Variants in SPSB1 observed in about 807,000 individuals in gnomAD.
SPSB1 encodes splA/ryanodine receptor domain and SOCS box containing 1.
Under a neutral mutation model 21.2 loss-of-function variants are expected in SPSB1, and 8 were observed. That is an observed-to-expected ratio of 0.38 (90% confidence interval 0.22 to 0.68). The LOEUF (loss-of-function observed/expected upper bound fraction) is 0.68, where lower values mean the gene tolerates loss of function less well. Among genes scored for constraint, SPSB1 ranks in the 30% least tolerant of loss-of-function variants. The pLI is 0.53. For synonymous variants in SPSB1, 169 were observed against 161.7 expected (o/e 1.05, Z -0.34); for missense variants, 242 against 377.8 (o/e 0.64, Z 2.98).
chr1:9,301,084 G>A (rs1030800798), intron 1 of SPSB1, among the ~76,000 whole-genome samples: 2 of 152,264 alleles, frequency 1.3e-5, no homozygotes, highest in African/African-American at 4.8e-5. Context: ...CTTCGAAGGA[G>A]AGATGGCCAG....
chr1:9,365,150 C>A lies in SPSB1; in HGVS notation c.695-2298C>A, dbSNP rs145887952. Among the ~76,000 whole-genome samples, 8 of 152,350 alleles carry A rather than the reference C, an allele frequency of 5.3e-5. No homozygotes were observed. The East Asian group carries it at 1.5e-3, about 29-fold the overall frequency. On this transcript the variant is annotated intron_variant, in intron 2 of 2. Transcript: ENST00000328089. ...GGGATTACAGGCGTGAGCCACCACA[C>A]CTGGCCTGTTTTCATTTTTGAGACA...
intron 1 of SPSB1, among the ~76,000 whole-genome samples, chr1:9,306,553 A>G (rs938645094): frequency 6.6e-6 from 1 of 152,196 alleles, no homozygotes. Context: ...CCTATAGGGT[A>G]GGTACTACCC....
chr1:9,315,836 CTA>C (rs1015248406), intron 1 of SPSB1, among the ~76,000 whole-genome samples: 6 of 152,230 alleles, frequency 3.9e-5, no homozygotes, highest in Non-Finnish European at 7.3e-5. Flanking sequence ...TTTCCAGTAA[CTA>C]TGTGGGTGGA....
intron 1 of SPSB1, among the ~76,000 whole-genome samples, chr1:9,339,525 C>T (rs1640056665): frequency 6.6e-6 from 1 of 152,182 alleles, no homozygotes. Flanking sequence ...GATGGGATTC[C>T]TGTCAGATGG....
At chr1:9,313,352 A>AT (rs1639556157) in intron 1 of SPSB1, among the ~76,000 whole-genome samples, 1 of 152,320 alleles carries the variant, frequency 6.6e-6, no homozygotes, top group South Asian at 2.1e-4. Flanking sequence ...GTGAGCCAAG[A>AT]TTGCACCACT....
intron 1 of SPSB1, among the ~76,000 whole-genome samples, chr1:9,351,174 T>TAC (rs1640249435): frequency 6.6e-6 from 1 of 152,250 alleles, no homozygotes; most frequent in African/African-American, 2.4e-5. Context: ...CCCATTGATT[T>TAC]ACATATTGTC....
In SPSB1 at chr1:9,367,771, C is replaced by A; in HGVS notation, c.*196C>A. ...CAACACAGGCTCCTCTTTCCCCCTTCCCGACATCAGCAGAAGGCAGCATCC... is the reference window on the plus strand; with the variant it reads ...CAACACAGGCTCCTCTTTCCCCCTTACCGACATCAGCAGAAGGCAGCATCC... On this transcript the variant is annotated 3_prime_UTR_variant, in exon 3 of 3. Transcript: ENST00000328089. This position sits in a 1 kb window ranked among gnomAD's most constrained non-coding sequence, Gnocchi z 5.9. 1 of 801,554 alleles carries A rather than the reference C, an allele frequency of 1.2e-6. No individual in the cohort carries two copies. The highest frequency in any genetic ancestry group is 1.9e-6 in the Non-Finnish European group (1 of 523,324). 49.7% of individuals were successfully genotyped at this position (801,554 alleles called of 1,614,324 possible). A position where few individuals can be genotyped will look rare whatever the true frequency, so the allele number is the denominator to read the frequency against.
Position 9,367,741 on chromosome 1 carries a change from G to A in SPSB1, c.*166G>A, listed in dbSNP as rs184177728. 450 of 1,050,130 alleles carry A rather than the reference G, an allele frequency of 4.3e-4. 2 individuals carry two copies. The African/African-American group carries it at 5.5e-3, about 13-fold the overall frequency. 65.1% of individuals were successfully genotyped at this position (1,050,130 alleles called of 1,614,324 possible). On this transcript the variant is annotated 3_prime_UTR_variant, in exon 3 of 3. Transcript: ENST00000328089. The surrounding 1 kb of genome is among the most constrained non-coding windows in gnomAD (Gnocchi z 5.9). ...TGGCTGCCTCCATGGGACAAGGACC[G>A]ATTCCAACACAGGCTCCTCTTTCCC... is the stretch of plus-strand genomic sequence containing the variant.
At chr1:9,355,598 A>C in intron 1 of SPSB1, 145 bp from the exon 2 acceptor site, 1 of 931,432 alleles carries the variant, frequency 1.1e-6, no homozygotes, top group Non-Finnish European at 1.4e-6. Context: ...TTCTGCGCCA[A>C]GGCTCCAGCC....
rs1640598371 is a variant in SPSB1, at chr1:9,367,569, C to T, written c.816C>T (p.Tyr272=). Residue 272 remains tyrosine, a synonymous_variant, in exon 3 of 3, where the codon TAC becomes TAT. Coordinates refer to ENST00000328089, the MANE Select transcript of SPSB1 (RefSeq NM_025106.4). The surrounding 1 kb of genome is among the most constrained non-coding windows in gnomAD (Gnocchi z 5.9). ...CTTCCCTCAAGGCCTACCTCCTCTA[C>T]CAGTGACGTTCGCCATCATACCGCC... ...LPASLKAYLL[Y]Q is the part of the protein sequence containing the mutation. The T allele has an allele frequency of 1.2e-6, 2 of 1,607,468 alleles. No individual in the cohort carries two copies. Among genetic ancestry groups the T allele is most frequent in the African/African-American group, 1.3e-5 (1 of 74,792 alleles).
At chr1:9,323,990 C>G (rs1639770006) in intron 1 of SPSB1, among the ~76,000 whole-genome samples, 1 of 152,180 alleles carries the variant, frequency 6.6e-6, no homozygotes, top group Non-Finnish European at 1.5e-5. Flanking sequence ...GGGCCACTTG[C>G]AAGTGACTAC....
chr1:9,341,982 G>T (rs551636442), intron 1 of SPSB1, among the ~76,000 whole-genome samples: 1 of 152,108 alleles, frequency 6.6e-6, no homozygotes, highest in South Asian at 2.1e-4. Flanking sequence ...GATTACAGGC[G>T]TGAGCCACCA....
Position 9,368,823 on chromosome 1 carries a change from T to C in SPSB1, c.*1248T>C, listed in dbSNP as rs1297841790. 1 of 152,202 alleles carries C rather than the reference T, an allele frequency of 6.6e-6. No homozygotes were observed. Among genetic ancestry groups the C allele is most frequent in the Non-Finnish European group, 1.5e-5 (1 of 68,018 alleles). 9.4% of individuals were successfully genotyped at this position (152,202 alleles called of 1,614,324 possible). ...TCTGGACCCAGGGTAACAGCCCCAG[T>C]TCATCCCAACCCCTCTCAGAGCCTC... On this transcript the variant is annotated 3_prime_UTR_variant, in exon 3 of 3. Coordinates refer to ENST00000328089, the MANE Select transcript of SPSB1 (RefSeq NM_025106.4).
In SPSB1 at chr1:9,361,722, C is replaced by T. The variant is rs188526378; in HGVS notation, c.694+5137C>T. Among the ~76,000 whole-genome samples the T allele has an allele frequency of 6.7e-3, 1,027 of 152,352 alleles. 40 individuals are homozygous for T. The highest frequency in any genetic ancestry group is 0.061 in the Admixed American group (937 of 15,306). The stretch of plus-strand genomic sequence containing the variant: ...GGCACAAGGCCTTGTGCTGAGGATG[C>T]AGCCAGAGAGGCTGCTGTGTCACTC... On this transcript the variant is annotated intron_variant, in intron 2 of 2. Coordinates refer to ENST00000328089, the MANE Select transcript of SPSB1 (RefSeq NM_025106.4).
intron 1 of SPSB1, among the ~76,000 whole-genome samples, chr1:9,344,584 AGGGCAG>A (rs1243772999): frequency 6.6e-6 from 1 of 152,098 alleles, no homozygotes; most frequent in Non-Finnish European, 1.5e-5. Flanking sequence ...CGGCAGGAGG[AGGGCAG>A]GGAGCAGCAT....
chr1:9,293,087 C>T lies in SPSB1; in HGVS notation c.-150+16C>T, dbSNP rs893928569. Reference sequence around the variant, plus strand: ...CCCGGGCGCGGTAGGCGGCGCGGGGCACCTGGGACCCCGATGGGTGGGCGA... The same window carrying T: ...CCCGGGCGCGGTAGGCGGCGCGGGGTACCTGGGACCCCGATGGGTGGGCGA... On this transcript the variant is annotated intron_variant, in intron 1 of 2. Coordinates refer to ENST00000328089, the MANE Select transcript of SPSB1 (RefSeq NM_025106.4). This position sits in a 1 kb window ranked among gnomAD's most constrained non-coding sequence, Gnocchi z 5.1. 2 of 978,708 alleles carry T rather than the reference C, an allele frequency of 2.0e-6. No individual in the cohort carries two copies. Among genetic ancestry groups the T allele is most frequent in the African/African-American group, 3.5e-5 (2 of 56,506 alleles). 60.6% of individuals were successfully genotyped at this position (978,708 alleles called of 1,614,324 possible).
At chr1:9,296,188 G>C in intron 1 of SPSB1, among the ~76,000 whole-genome samples, 1 of 152,204 alleles carries the variant, frequency 6.6e-6, no homozygotes, top group Non-Finnish European at 1.5e-5. Flanking sequence ...TTCACGGTGC[G>C]TGCGAGTACT....
At position 9,321,461 on chromosome 1, in the gene SPSB1, G is replaced by A. The variant is rs955011012; in HGVS notation, c.-150+28390G>A. 1.3e-5 allele frequency among the ~76,000 whole-genome samples: 2 copies of A among 152,164 alleles called. No individual in the cohort carries two copies. The highest frequency in any genetic ancestry group is 2.9e-5 in the Non-Finnish European group (2 of 68,024). On this transcript the variant is annotated intron_variant, in intron 1 of 2. Transcript: ENST00000328089. This position sits in a 1 kb window ranked among gnomAD's most constrained non-coding sequence, Gnocchi z 4.8. The stretch of plus-strand genomic sequence containing the variant: ...CCCGTTATTCGTCACCTTGGTGCCC[G>A]ATAGAGAAGTGTCTCAGCAGTTCTG...
rs1238095424 is a variant in SPSB1 at position 9,317,546 on chromosome 1, C to T, written c.-150+24475C>T. On this transcript the variant is annotated intron_variant, in intron 1 of 2. Coordinates refer to ENST00000328089, the MANE Select transcript of SPSB1 (RefSeq NM_025106.4). This position sits in a 1 kb window ranked among gnomAD's most constrained non-coding sequence, Gnocchi z 4.3. Reference sequence around the variant, plus strand: ...TCACCCAGGCTGGGGACAAAGCTCACTGCGGCTTCTGCCTCCCAGGCTCGG... The same window carrying T: ...TCACCCAGGCTGGGGACAAAGCTCATTGCGGCTTCTGCCTCCCAGGCTCGG... 2.0e-5 allele frequency among the ~76,000 whole-genome samples: 3 copies of T among 152,184 alleles called. No individual in the cohort carries two copies. The highest frequency in any genetic ancestry group is 7.2e-5 in the African/African-American group (3 of 41,438).
Sources: gnomAD v4.1 joint callset for allele counts (sites outside exome capture counted in the v4.1 genomes callset) on GRCh38, gnomAD v4.1.1 for gene constraint, Gnocchi (gnomAD v3.1) non-coding constraint, MANE v1.5 for transcripts, NCBI Gene and HGNC (gene_info 2026-07-23, HGNC 2026-07-21) for gene names.